Variants in TAFA2 observed in about 807,000 individuals in gnomAD.
The protein encoded by TAFA2 is chemokine-like protein TAFA-2.
TAFA2 carries 7 observed loss-of-function variants against 18.8 expected under a neutral mutation model. That is an observed-to-expected ratio of 0.37 (90% confidence interval 0.21 to 0.70). The LOEUF (loss-of-function observed/expected upper bound fraction) is 0.70, where lower values mean the gene tolerates loss of function less well. Ranked by LOEUF, TAFA2 falls within the 30% of genes least tolerant of loss-of-function variation. TAFA2 has a pLI of 0.53. For synonymous variants in TAFA2, 60 were observed against 54.2 expected (o/e 1.11, Z -0.47); for missense variants, 122 against 158.1 (o/e 0.77, Z 1.23).
chr12:61,775,507 C>G (rs1247305430), intron 2 of TAFA2, among the ~76,000 whole-genome samples: 1 of 151,706 alleles, frequency 6.6e-6, no homozygotes. Context: ...ATGGAGAAAA[C>G]TTAAATGTGT....
intron 1 of TAFA2, among the ~76,000 whole-genome samples, chr12:62,136,920 T>C (rs1238892671): frequency 2.6e-5 from 4 of 152,100 alleles, no homozygotes; most frequent in African/African-American, 9.7e-5. Flanking sequence ...ATGCACAGAA[T>C]TTTTCATAAA....
intron 1 of TAFA2, among the ~76,000 whole-genome samples, chr12:61,958,284 T>A (rs1036668328): frequency 2.6e-5 from 4 of 152,136 alleles, no homozygotes; most frequent in African/African-American, 9.7e-5. Context: ...AGTATGGATA[T>A]ACCCTAGTGC....
intron 2 of TAFA2, among the ~76,000 whole-genome samples, chr12:61,786,225 T>G (rs377536605): frequency 6.6e-6 from 1 of 151,614 alleles, no homozygotes; most frequent in Admixed American, 6.6e-5. Flanking sequence ...TGTACTGTAC[T>G]CAGAAAGCTC....
At position 61,762,031 on chromosome 12, in the gene TAFA2, C is replaced by G. The variant is rs574052980; in HGVS notation, c.107-7007G>C. On this transcript the variant is annotated intron_variant, in intron 2 of 4. Coordinates refer to ENST00000416284, the MANE Select transcript of TAFA2 (RefSeq NM_178539.5). ...TGGGCATGTGAGATGTCTCACTCCC[C>G]CTTTGCCTACTACCATGATTGATTG... Among the ~76,000 whole-genome samples, 604 of 152,158 alleles carry G rather than the reference C, an allele frequency of 4.0e-3. 1 individual carries two copies. The highest frequency in any genetic ancestry group is 5.7e-3 in the Non-Finnish European group (388 of 67,984).
chr12:61,733,827 G>T (rs1440873820), intron 4 of TAFA2, among the ~76,000 whole-genome samples: 1 of 151,906 alleles, frequency 6.6e-6, no homozygotes, highest in Admixed American at 6.6e-5. Context: ...TTGGTAGCTT[G>T]ATGGGGATGG....
At chr12:61,750,944 G>T (rs1299276495) in intron 4 of TAFA2, among the ~76,000 whole-genome samples, 1 of 152,028 alleles carries the variant, frequency 6.6e-6, no homozygotes, top group Admixed American at 6.6e-5. Flanking sequence ...GCCAAATCAG[G>T]AGTTCAATGG....
chr12:62,109,160 G>C (rs1384246855), intron 1 of TAFA2, among the ~76,000 whole-genome samples: 1 of 152,160 alleles, frequency 6.6e-6, no homozygotes, highest in Non-Finnish European at 1.5e-5. Context: ...TTTTGTATAA[G>C]GTGTAAGGAA....
chr12:62,156,447 A>G (rs1408859081), intron 1 of TAFA2, among the ~76,000 whole-genome samples: 2 of 152,206 alleles, frequency 1.3e-5, no homozygotes, highest in African/African-American at 4.8e-5. Flanking sequence ...ACTACTAGGT[A>G]TCTACCCAGA....
At chr12:61,922,851 A>C (rs780942759) in intron 1 of TAFA2, among the ~76,000 whole-genome samples, 2 of 152,166 alleles carry the variant, frequency 1.3e-5, no homozygotes, top group African/African-American at 2.4e-5. Context: ...CACTGGCTTG[A>C]AATTCTCGCT....
chr12:62,038,835 A>T (rs1422312469), intron 1 of TAFA2, among the ~76,000 whole-genome samples: 1 of 152,240 alleles, frequency 6.6e-6, no homozygotes, highest in African/African-American at 2.4e-5. Context: ...TACACTGTAC[A>T]TCTTGATTTT....
intron 4 of TAFA2, among the ~76,000 whole-genome samples, chr12:61,737,146 C>A (rs1868317852): frequency 6.6e-6 from 1 of 151,758 alleles, no homozygotes; most frequent in Non-Finnish European, 1.5e-5. Context: ...AAATAGGCAT[C>A]TAAAAAAATC....
intron 1 of TAFA2, among the ~76,000 whole-genome samples, chr12:61,884,118 T>A (rs1159625560): frequency 1.3e-5 from 2 of 152,148 alleles, no homozygotes; most frequent in African/African-American, 4.8e-5. Flanking sequence ...ACACAGAATT[T>A]AGAACATGCA....
At chr12:61,879,900 T>C in intron 1 of TAFA2, 1 of 916,576 alleles carries the variant, frequency 1.1e-6, no homozygotes, top group Non-Finnish European at 1.8e-6. Context: ...GAGAATGAAT[T>C]TGTCCTCATC....
chr12:62,179,592 G>C (rs2062538044), intron 1 of TAFA2, among the ~76,000 whole-genome samples: 1 of 152,120 alleles, frequency 6.6e-6, no homozygotes, highest in Non-Finnish European at 1.5e-5. Flanking sequence ...GACTGAGGCA[G>C]GACACTCGGT....
At chr12:62,015,377 C>A (rs1440984711) in intron 1 of TAFA2, among the ~76,000 whole-genome samples, 2 of 152,040 alleles carry the variant, frequency 1.3e-5, no homozygotes, top group Non-Finnish European at 2.9e-5. Context: ...TGCTTATAAT[C>A]TTTGATTTAT....
chr12:61,846,499 G>T (rs559275736), intron 2 of TAFA2, among the ~76,000 whole-genome samples: 205 of 152,026 alleles, frequency 1.3e-3, no homozygotes, highest in Non-Finnish European at 2.4e-3. Flanking sequence ...ACTTATTTAG[G>T]GAAAGGGAAA....
At chr12:62,024,355 G>A (rs1881246666) in intron 1 of TAFA2, among the ~76,000 whole-genome samples, 3 of 152,064 alleles carry the variant, frequency 2.0e-5, no homozygotes, top group Admixed American at 2.0e-4. Flanking sequence ...AGGTCCTATT[G>A]TTCATACCTT....
chr12:62,165,870 T>G (rs2062434840), intron 1 of TAFA2, among the ~76,000 whole-genome samples: 1 of 151,350 alleles, frequency 6.6e-6, no homozygotes, highest in Non-Finnish European at 1.5e-5. Context: ...GACATAGAAT[T>G]TAACATGTTG....
At chr12:62,214,630 C>A (rs1341558710) in intron 1 of TAFA2, among the ~76,000 whole-genome samples, 3 of 152,112 alleles carry the variant, frequency 2.0e-5, no homozygotes, top group Admixed American at 6.6e-5. Context: ...AAAATGAGGT[C>A]TTTAGGGTGG....
Sources: allele counts gnomAD v4.1 joint callset (sites outside exome capture counted in the v4.1 genomes callset), GRCh38; gene constraint gnomAD v4.1.1; transcripts MANE v1.5; gene names NCBI Gene and HGNC (gene_info 2026-07-23, HGNC 2026-07-21).